CSMD1: variants seen among roughly 807,000 people sequenced by gnomAD.
CSMD1 encodes CUB and sushi domain-containing protein 1.
CSMD1 carries 213 observed loss-of-function variants against 417.5 expected under a neutral mutation model. That is an observed-to-expected ratio of 0.51 (90% CI 0.46 to 0.57). The LOEUF (loss-of-function observed/expected upper bound fraction) is 0.57, where lower values mean the gene tolerates loss of function less well. Ranked by LOEUF, CSMD1 falls within the 20% of genes least tolerant of loss-of-function variation. The pLI is 0.00. For missense variants in CSMD1, 6,923 were observed against 4,529.7 expected, an observed-to-expected ratio of 1.53 and a Z score of -15.17; for synonymous variants, 2,862 against 1,736.8, an observed-to-expected ratio of 1.65 and a Z score of -16.11.
Position 4,665,163 on chromosome 8 carries a change from G to A in CSMD1, c.86-27605C>T, listed in dbSNP as rs556546695. Among the ~76,000 whole-genome samples, 117 of 152,002 alleles carry A rather than the reference G, an allele frequency of 7.7e-4. 1 individual carries two copies. Among genetic ancestry groups the A allele is most frequent in the Admixed American group, 1.6e-3 (25 of 15,258 alleles). On this transcript the variant is annotated intron_variant, in intron 1 of 69. Transcript: ENST00000635120. Reference sequence around the variant, plus strand: ...ACCTCCTGCATTTTTTGCTTTCTTAGGTCTTTTCTGTTTGTCCATTTGCCA... The same window carrying A: ...ACCTCCTGCATTTTTTGCTTTCTTAAGTCTTTTCTGTTTGTCCATTTGCCA...
intron 3 of CSMD1, among the ~76,000 whole-genome samples, chr8:4,097,844 C>A (rs1408466647): frequency 6.6e-6 from 1 of 152,278 alleles, no homozygotes; most frequent in African/African-American, 2.4e-5. Flanking sequence ...TTTCAGACAA[C>A]GTTCTATTAC....
chr8:3,936,805 A>G lies in CSMD1; in HGVS notation c.818+61098T>C, dbSNP rs187431532. ...ACTTTCAATTATTGTTATTTAAGAA[A>G]TATGTTTCATAAGGCTATTGCTGCA... On this transcript the variant is annotated intron_variant, in intron 5 of 69. Coordinates refer to ENST00000635120, the MANE Select transcript of CSMD1 (RefSeq NM_033225.6). 2.6e-5 allele frequency among the ~76,000 whole-genome samples: 4 copies of G among 152,300 alleles called. No individual in the cohort carries two copies. In the East Asian group the frequency reaches 5.8e-4, roughly 22 times the overall value.
chr8:4,360,378 T>G (rs777980847), intron 3 of CSMD1, among the ~76,000 whole-genome samples: 4 of 152,210 alleles, frequency 2.6e-5, no homozygotes, highest in Non-Finnish European at 4.4e-5. Flanking sequence ...ACCCTAATTG[T>G]AAGTTACTGC....
intron 23 of CSMD1, among the ~76,000 whole-genome samples, chr8:3,322,184 A>G (rs142977735): frequency 0.011 from 1,630 of 152,330 alleles, 35 homozygotes; most frequent in African/African-American, 0.037. Context: ...AATATATTCA[A>G]TACATTTCAT....
chr8:2,995,957 G>T (rs192874553), intron 54 of CSMD1, among the ~76,000 whole-genome samples: 4 of 152,232 alleles, frequency 2.6e-5, no homozygotes, highest in Admixed American at 2.6e-4. Context: ...TAGTGATAAT[G>T]GACATTCTCC....
chr8:3,849,245 A>C (rs911468894), intron 5 of CSMD1, among the ~76,000 whole-genome samples: 34 of 152,124 alleles, frequency 2.2e-4, no homozygotes, highest in African/African-American at 7.7e-4. Flanking sequence ...ATAAAACGAA[A>C]CAAAACCACA....
chr8:3,536,948 C>G (rs6988212), intron 10 of CSMD1, among the ~76,000 whole-genome samples: 1 of 151,664 alleles, frequency 6.6e-6, no homozygotes, highest in South Asian at 2.1e-4. Context: ...TCAGTATTTA[C>G]TGGGAGCTTT....
intron 5 of CSMD1, among the ~76,000 whole-genome samples, chr8:3,963,010 C>T (rs926941167): frequency 6.6e-6 from 1 of 152,216 alleles, no homozygotes; most frequent in South Asian, 2.1e-4. Context: ...AATCTCGGCT[C>T]ACTGCAACCT....
intron 3 of CSMD1, among the ~76,000 whole-genome samples, chr8:4,391,392 G>C (rs1803841118): frequency 6.6e-6 from 1 of 152,094 alleles, no homozygotes; most frequent in Non-Finnish European, 1.5e-5. Flanking sequence ...AGTGATGTAA[G>C]ACTTTGAAGA....
intron 19 of CSMD1, among the ~76,000 whole-genome samples, chr8:3,368,271 G>A (rs1395488452): frequency 2.6e-5 from 4 of 152,148 alleles, no homozygotes; most frequent in Non-Finnish European, 4.4e-5. Flanking sequence ...ATTAAGTCGG[G>A]TTCAAATCTA....
intron 3 of CSMD1, among the ~76,000 whole-genome samples, chr8:4,091,372 A>G (rs1800712148): frequency 6.6e-6 from 1 of 152,226 alleles, no homozygotes; most frequent in Non-Finnish European, 1.5e-5. Context: ...ATGGAAGAAA[A>G]TAAATATAAA....
intron 5 of CSMD1, among the ~76,000 whole-genome samples, chr8:3,829,781 T>C (rs898412971): frequency 6.6e-6 from 1 of 152,202 alleles, no homozygotes; most frequent in Non-Finnish European, 1.5e-5. Context: ...AAGACAGGAA[T>C]ATTGAATGAG....
At chr8:3,080,350 AAT>A (rs1252050146) in intron 49 of CSMD1, among the ~76,000 whole-genome samples, 3 of 152,226 alleles carry the variant, frequency 2.0e-5, no homozygotes, top group Non-Finnish European at 4.4e-5. Flanking sequence ...TAAGGCAGGA[AAT>A]GAAGCCTGAG....
chr8:4,393,370 G>T (rs1803985790), intron 3 of CSMD1, among the ~76,000 whole-genome samples: 1 of 152,154 alleles, frequency 6.6e-6, no homozygotes, highest in Non-Finnish European at 1.5e-5. Context: ...CCAAGGCCAA[G>T]AAACTGAAGG....
At chr8:4,002,789 A>C (rs572772367) in intron 4 of CSMD1, among the ~76,000 whole-genome samples, 7 of 152,300 alleles carry the variant, frequency 4.6e-5, no homozygotes, top group Admixed American at 4.6e-4. Context: ...ACTGAATAGA[A>C]AGTTTTAAAA....
intron 7 of CSMD1, among the ~76,000 whole-genome samples, chr8:3,707,601 G>A (rs1313953928): frequency 6.6e-6 from 1 of 152,180 alleles, no homozygotes; most frequent in African/African-American, 2.4e-5. Context: ...CAGTGAAGCT[G>A]GTACCCAGTA....
intron 5 of CSMD1, among the ~76,000 whole-genome samples, chr8:3,908,270 A>C (rs1292515845): frequency 6.6e-6 from 1 of 152,086 alleles, no homozygotes; most frequent in Non-Finnish European, 1.5e-5. Flanking sequence ...AGTCAGGTTC[A>C]TCAAGAAATC....
rs566413761 is a variant in CSMD1 at position 4,994,749 on chromosome 8, G to T, written c.-333C>A. On this transcript the variant is annotated 5_prime_UTR_variant, in exon 1 of 70. Coordinates refer to ENST00000635120, the MANE Select transcript of CSMD1 (RefSeq NM_033225.6). ...GAGGGGGAGAAGCGGGGAGAGGAGC[G>T]CGCGCAGCCAGGAGAGACCTGGAGA... is the stretch of plus-strand genomic sequence containing the variant. 4 of 294,170 alleles carry T rather than the reference G, an allele frequency of 1.4e-5. No individual in the cohort carries two copies. Among genetic ancestry groups the T allele is most frequent in the Admixed American group, 5.2e-5 (1 of 19,132 alleles). The allele number at this position is 294,170 out of a possible 1,614,324, so 18.2% of individuals were successfully genotyped here. A position where few individuals can be genotyped will look rare whatever the true frequency, so the allele number is the denominator to read the frequency against.
chr8:3,487,253 G>C lies in CSMD1; in HGVS notation c.1448+6370C>G, dbSNP rs977435266. 1.5e-4 allele frequency among the ~76,000 whole-genome samples: 23 copies of C among 152,214 alleles called. No homozygotes were observed. In the East Asian group the frequency reaches 4.3e-3, roughly 28 times the overall value. On this transcript the variant is annotated intron_variant, in intron 11 of 69. Transcript: ENST00000635120. Reference sequence around the variant, plus strand: ...GTCTAGCTCTGTCTCCCAGGCTGGAGTGCAGTGGCGCGATCTTGGCTCTCT... The same window carrying C: ...GTCTAGCTCTGTCTCCCAGGCTGGACTGCAGTGGCGCGATCTTGGCTCTCT...
Sources: gnomAD v4.1 joint callset for allele counts (sites outside exome capture counted in the v4.1 genomes callset) on GRCh38, gnomAD v4.1.1 for gene constraint, MANE v1.5 for transcripts, NCBI Gene and HGNC (gene_info 2026-07-23, HGNC 2026-07-21) for gene names.